The following MKRN1 variants were observed in gnomAD, a reference collection of about 807,000 sequenced individuals.
MKRN1 encodes E3 ubiquitin-protein ligase makorin-1.
In MKRN1, 9 loss-of-function variants were observed where a neutral mutation model predicts 55.5. The ratio of observed to expected loss-of-function variants is 0.16; its 90% CI spans 0.10 to 0.28. The LOEUF (loss-of-function observed/expected upper bound fraction) is 0.28, where lower values mean the gene tolerates loss of function less well. Among genes scored for constraint, MKRN1 ranks in the 10% least tolerant of loss-of-function variants. The pLI is 1.00. For missense variants in MKRN1, 488 were observed against 626.7 expected (o/e 0.78, Z 2.36); for synonymous variants, 253 against 235.9 (o/e 1.07, Z -0.66).
rs1062758 is a variant in MKRN1, at chr7:140,459,174, T to C, written c.604A>G (p.Lys202Glu). 3 of 1,613,916 alleles carry C rather than the reference T, an allele frequency of 1.9e-6. No homozygotes were observed. The East Asian group carries it at 6.7e-5, about 36-fold the overall frequency. ...TTTGTCTCCACGGCGGTTTGCTCTT[T>C]CTCTGATTCTTCCTTGGTCACTGAG... ...QGSVTKEESE[K>E]EQTAVETKKQ... Residue 202 changes from lysine (K) to glutamate (E), a missense_variant, in exon 4 of 8, where the codon AAA (lysine) becomes GAA (glutamate). By Grantham distance (56) the Lys-to-Glu change is moderately conservative (BLOSUM62 1). Transcript: ENST00000255977.
intron 2 of MKRN1, among the ~76,000 whole-genome samples, chr7:140,468,278 G>A (rs1172060267): frequency 6.6e-6 from 1 of 151,978 alleles, no homozygotes; most frequent in Non-Finnish European, 1.5e-5. Context: ...CCCAGTTCAA[G>A]GAACACAGCT....
At chr7:140,460,593 G>T (rs567805095) in intron 2 of MKRN1, among the ~76,000 whole-genome samples, 3 of 152,026 alleles carry the variant, frequency 2.0e-5, no homozygotes, top group African/African-American at 7.2e-5. Flanking sequence ...GAGCCACCAC[G>T]TACGGCCATA....
intron 2 of MKRN1, among the ~76,000 whole-genome samples, chr7:140,469,170 C>G (rs145943865): frequency 1.3e-5 from 2 of 151,772 alleles, no homozygotes; most frequent in Non-Finnish European, 2.9e-5. Context: ...ACTAAAAATA[C>G]AAAAAATTAG....
chr7:140,474,005 A>ACG (rs1554450296), intron 1 of MKRN1, among the ~76,000 whole-genome samples: 1 of 65,658 alleles, frequency 1.5e-5, no homozygotes, highest in African/African-American at 9.6e-5. Context: ...AAAAAAAAAA[A>ACG]AAAGAAAGAA....
At chr7:140,472,785 G>A (rs556994762) in intron 1 of MKRN1, among the ~76,000 whole-genome samples, 3 of 151,588 alleles carry the variant, frequency 2.0e-5, no homozygotes, top group East Asian at 2.0e-4. Flanking sequence ...ATAATAATAC[G>A]CCTTAGATTA....
intron 1 of MKRN1, 26 bp from the exon 2 acceptor site, chr7:140,472,037 G>A (rs777418168): frequency 6.2e-7 from 1 of 1,612,704 alleles, no homozygotes; most frequent in Non-Finnish European, 8.5e-7. Flanking sequence ...CCACAAAACT[G>A]GATTAAAACC....
At chr7:140,455,328 C>A in intron 6 of MKRN1, 95 bp from the exon 7 acceptor site, 3 of 1,484,660 alleles carry the variant, frequency 2.0e-6, no homozygotes. Flanking sequence ...AGGGATAGAA[C>A]CAGTATGTCA....
Position 140,477,685 on chromosome 7 carries a change from T to G in MKRN1, c.185+1475A>C, listed in dbSNP as rs543151817. Among the ~76,000 whole-genome samples the G allele has an allele frequency of 8.3e-5, 9 of 108,770 alleles. No individual in the cohort carries two copies. In the South Asian group the frequency reaches 2.3e-3, roughly 28 times the overall value. The allele number at this position is 108,770 out of a possible 152,430, so 71.4% of individuals were successfully genotyped here. ...GTTGGCCAGGCTGGTCTCGAACTCC[T>G]TACCTCAGGCGATCCGCCCGCCTCA... is the stretch of plus-strand genomic sequence containing the variant. On this transcript the variant is annotated intron_variant, in intron 1 of 7. Transcript: ENST00000255977.
intron 2 of MKRN1, among the ~76,000 whole-genome samples, chr7:140,470,351 G>A (rs1050370651): frequency 6.6e-6 from 1 of 151,998 alleles, no homozygotes; most frequent in Non-Finnish European, 1.5e-5. Flanking sequence ...TTGGGAAGCC[G>A]AACCGCGTGG....
chr7:140,456,727 T>C lies in MKRN1; in HGVS notation c.911A>G (p.Asn304Ser). The C allele has an allele frequency of 6.2e-7, 1 of 1,614,128 alleles. No individual in the cohort carries two copies. The highest frequency in any genetic ancestry group is 8.5e-7 in the Non-Finnish European group (1 of 1,179,992). ...CTTGAGACAGTAGGTGTGGTTGCAGTTGGAGAGGATCCCGAAGCGGCGCTC... is the reference window on the plus strand; with the variant it reads ...CTTGAGACAGTAGGTGTGGTTGCAGCTGGAGAGGATCCCGAAGCGGCGCTC... The part of the protein sequence containing the change: ...PSERRFGILS[N>S]CNHTYCLKCI... The change falls in exon 5 of 8, where the codon AAC becomes AGC. Residue 304 changes from asparagine (N) to serine (S), a missense_variant. By Grantham distance (46) the Asn-to-Ser change is conservative. This residue lies in a region of MKRN1 where 278 missense variants were observed against 406.7 expected (regional missense o/e 0.68). Coordinates refer to ENST00000255977, the MANE Select transcript of MKRN1 (RefSeq NM_013446.4).
intron 2 of MKRN1, chr7:140,460,245 T>TAAAAAA: frequency 2.4e-5 from 1 of 41,334 alleles, no homozygotes; most frequent in Non-Finnish European, 4.2e-5. Context: ...AGACTCCGTC[T>TAAAAAA]CAAAAAAAAA....
intron 2 of MKRN1, among the ~76,000 whole-genome samples, chr7:140,466,489 AC>A (rs573344072): frequency 6.6e-6 from 1 of 151,926 alleles, no homozygotes; most frequent in Non-Finnish European, 1.5e-5. Flanking sequence ...AGATAGGGAG[AC>A]CCCGTCTCTA....
At chr7:140,458,758 C>A (rs1289629608) in intron 4 of MKRN1, among the ~76,000 whole-genome samples, 5 of 152,124 alleles carry the variant, frequency 3.3e-5, no homozygotes, top group Non-Finnish European at 5.9e-5. Flanking sequence ...TGGGCTTGAG[C>A]GATCCTCTTG....
rs1794916203 is a variant in MKRN1 at position 140,471,287 on chromosome 7, G to C, written c.314+596C>G. 2.0e-5 allele frequency among the ~76,000 whole-genome samples: 3 copies of C among 151,818 alleles called. No individual in the cohort carries two copies. The South Asian group carries it at 6.3e-4, about 32-fold the overall frequency. On this transcript the variant is annotated intron_variant, in intron 2 of 7. Transcript: ENST00000255977. ...AGCTACTTGGGAGGCTGAGGTGAGAGGATCATTTCAGCCTGGTAAGTTGAG... is the reference window on the plus strand; with the variant it reads ...AGCTACTTGGGAGGCTGAGGTGAGACGATCATTTCAGCCTGGTAAGTTGAG...
chr7:140,467,132 C>G (rs981958449), intron 2 of MKRN1, among the ~76,000 whole-genome samples: 16 of 152,040 alleles, frequency 1.1e-4, no homozygotes, highest in African/African-American at 3.4e-4. Context: ...CATGCGCCAC[C>G]ATGCTTGGGT....
At chr7:140,465,441 C>T (rs1461839812) in intron 2 of MKRN1, among the ~76,000 whole-genome samples, 3 of 151,972 alleles carry the variant, frequency 2.0e-5, no homozygotes, top group East Asian at 3.9e-4. Context: ...CCACTGCACT[C>T]TAGTCTGGGC....
intron 7 of MKRN1, among the ~76,000 whole-genome samples, 168 bp from the exon 8 acceptor site, chr7:140,454,897 T>C (rs1392218342): frequency 6.6e-6 from 1 of 152,160 alleles, no homozygotes; most frequent in African/African-American, 2.4e-5. Context: ...TGGAAATCGT[T>C]TAGGCTAGAG....
chr7:140,478,248 T>TA (rs573514808), intron 1 of MKRN1: 5 of 152,080 alleles, frequency 3.3e-5, no homozygotes, highest in Non-Finnish European at 7.4e-5. Flanking sequence ...AACCGGAAAA[T>TA]AAAAAACGTA....
At chr7:140,471,751 T>C in intron 2 of MKRN1, 132 bp downstream of exon 2, 2 of 1,280,880 alleles carry the variant, frequency 1.6e-6, no homozygotes, top group Non-Finnish European at 2.1e-6. Context: ...ATTATAGGCA[T>C]GAGCCACTGC....
Sources: gnomAD v4.1 joint callset for allele counts (sites outside exome capture counted in the v4.1 genomes callset) on GRCh38, gnomAD v4.1.1 for gene constraint, gnomAD v4.1.1 regional missense constraint, MANE v1.5 for transcripts, NCBI Gene and HGNC (gene_info 2026-07-23, HGNC 2026-07-21) for gene names.